DPP6: variants seen among roughly 807,000 people sequenced by gnomAD.
The protein encoded by DPP6 is A-type potassium channel modulatory protein DPP6.
In DPP6, 69 loss-of-function variants were observed where a neutral mutation model predicts 122.6. The ratio of observed to expected loss-of-function variants is 0.56; its 90% CI spans 0.46 to 0.69. The LOEUF is 0.69. Ranked by LOEUF, DPP6 falls within the 30% of genes least tolerant of loss-of-function variation. The probability of loss-of-function intolerance (pLI) is 0.00; values close to 1 mark genes in which losing one functional copy is unlikely to be tolerated. For missense variants in DPP6, 928 were observed against 1,116.9 expected (o/e 0.83, Z 2.41); for synonymous variants, 418 against 433.1 (o/e 0.97, Z 0.43).
chr7:154,424,180 C>T lies in DPP6; in HGVS notation c.244-22034C>T, dbSNP rs77669347. Among the ~76,000 whole-genome samples, 217 of 152,286 alleles carry T rather than the reference C, an allele frequency of 1.4e-3. 2 individuals carry two copies. The highest frequency in any genetic ancestry group is 8.7e-3 in the East Asian group (45 of 5,176). On this transcript the variant is annotated intron_variant, in intron 1 of 25. Transcript: ENST00000377770. ...CGCACTGTTTATCTCAACTCACATA[C>T]GCAGATATTTGTTGCAGATTAGGGT...
At chr7:153,783,078 C>T in the DPP6 span, among the ~76,000 whole-genome samples, 11 of 152,232 alleles carry the variant, frequency 7.2e-5, no homozygotes, top group South Asian at 2.3e-3. Context: ...CAAGGAGAAG[C>T]AGGGAAACTG....
At chr7:154,188,287 G>T (rs1327287316) in intron 1 of DPP6, among the ~76,000 whole-genome samples, 1 of 152,012 alleles carries the variant, frequency 6.6e-6, no homozygotes, top group Non-Finnish European at 1.5e-5. Context: ...CTTTCAAGGG[G>T]ATGAAACAAG....
At chr7:154,762,047 G>A (rs866841855) in intron 8 of DPP6, among the ~76,000 whole-genome samples, 6 of 152,180 alleles carry the variant, frequency 3.9e-5, no homozygotes, top group Admixed American at 6.5e-5. Context: ...ACTATCATGA[G>A]GACAGCACGG....
chr7:154,194,897 CA>C (rs1798788343), intron 1 of DPP6, among the ~76,000 whole-genome samples: 1 of 152,186 alleles, frequency 6.6e-6, no homozygotes, highest in Non-Finnish European at 1.5e-5. Context: ...ATTCCTTTGA[CA>C]AATATATCGT....
At chr7:154,382,608 G>A (rs112733394) in intron 1 of DPP6, among the ~76,000 whole-genome samples, 23 of 152,326 alleles carry the variant, frequency 1.5e-4, no homozygotes, top group Admixed American at 6.5e-4. Context: ...AGCGCTCAGC[G>A]CTCTTCATGT....
At chr7:154,634,864 A>G (rs1352599337) in intron 5 of DPP6, among the ~76,000 whole-genome samples, 1 of 152,196 alleles carries the variant, frequency 6.6e-6, no homozygotes, top group Non-Finnish European at 1.5e-5. Flanking sequence ...ATGTAACTCT[A>G]GGTGTTTGTT....
intron 1 of DPP6, among the ~76,000 whole-genome samples, chr7:154,267,290 A>C (rs1249581407): frequency 6.7e-6 from 1 of 149,026 alleles, no homozygotes. Flanking sequence ...TTATTATTGT[A>C]AATATACAAT....
chr7:154,074,537 T>C (rs1803419267), intron 1 of DPP6, among the ~76,000 whole-genome samples: 1 of 152,214 alleles, frequency 6.6e-6, no homozygotes, highest in Non-Finnish European at 1.5e-5. Context: ...AGCTGGGCTG[T>C]TTTAAACAAC....
chr7:154,745,665 C>T (rs1198377133), intron 8 of DPP6, among the ~76,000 whole-genome samples: 1 of 152,224 alleles, frequency 6.6e-6, no homozygotes, highest in Non-Finnish European at 1.5e-5. Context: ...CCTCAGGCTG[C>T]TTCTACTCAT....
chr7:153,807,216 C>G, the DPP6 span, among the ~76,000 whole-genome samples: 14 of 151,372 alleles, frequency 9.2e-5, no homozygotes, highest in Non-Finnish European at 1.6e-4. Context: ...AGTTCAAGAC[C>G]AGCCTGGCCA....
chr7:154,211,111 T>A (rs56661500), intron 1 of DPP6, among the ~76,000 whole-genome samples: 7,075 of 152,186 alleles, frequency 0.046, 273 homozygotes, highest in African/African-American at 0.11. Context: ...TGTTAGTGCT[T>A]CCTCTTACTT....
chr7:154,196,210 C>T (rs1421352690), intron 1 of DPP6, among the ~76,000 whole-genome samples: 1 of 152,180 alleles, frequency 6.6e-6, no homozygotes, highest in African/African-American at 2.4e-5. Context: ...TACAAATGGG[C>T]CGGGCACGGT....
chr7:154,660,129 C>A (rs1042431306), intron 6 of DPP6, among the ~76,000 whole-genome samples: 1 of 152,230 alleles, frequency 6.6e-6, no homozygotes, highest in African/African-American at 2.4e-5. Context: ...TCCTTGAGCA[C>A]AGGTGAGCCA....
intron 1 of DPP6, among the ~76,000 whole-genome samples, chr7:154,060,267 C>T (rs371455330): frequency 3.1e-5 from 4 of 129,964 alleles, no homozygotes; most frequent in East Asian, 2.2e-4. Context: ...GCACCCCCCG[C>T]GAGGCAGGGA....
the DPP6 span, among the ~76,000 whole-genome samples, chr7:153,761,266 T>G: frequency 2.0e-5 from 3 of 152,220 alleles, no homozygotes; most frequent in Non-Finnish European, 4.4e-5. Flanking sequence ...TGGGAAAATT[T>G]GTTAGTACAT....
chr7:153,848,081 C>T, the DPP6 span, among the ~76,000 whole-genome samples: 293 of 152,236 alleles, frequency 1.9e-3, no homozygotes, highest in Non-Finnish European at 3.5e-3. Flanking sequence ...TTTGCCTGGT[C>T]GGGCGGATAG....
chr7:154,648,427 G>T (rs182541689), intron 6 of DPP6, among the ~76,000 whole-genome samples: 3 of 152,180 alleles, frequency 2.0e-5, no homozygotes, highest in Admixed American at 2.0e-4. Flanking sequence ...CAGAGGGTTG[G>T]ACACAAATAC....
chr7:154,636,302 G>C lies in DPP6; in HGVS notation c.628-1519G>C, dbSNP rs77327463. Among the ~76,000 whole-genome samples, 270 of 152,312 alleles carry C rather than the reference G, an allele frequency of 1.8e-3. 3 individuals carry two copies. Among genetic ancestry groups the C allele is most frequent in the Middle Eastern group, 3.4e-3 (1 of 294 alleles). The stretch of plus-strand genomic sequence containing the variant: ...TTCCAGCTCACACAGGCATGGCTTA[G>C]TCACAGTGCAGCATGGGGTCCTTTA... On this transcript the variant is annotated intron_variant, in intron 5 of 25. Coordinates refer to ENST00000377770, the MANE Select transcript of DPP6 (RefSeq NM_130797.4).
intron 16 of DPP6, among the ~76,000 whole-genome samples, chr7:154,839,085 A>G (rs1208611714): frequency 6.6e-6 from 1 of 152,224 alleles, no homozygotes; most frequent in Non-Finnish European, 1.5e-5. Flanking sequence ...AAATAGTAAT[A>G]AGAACAAGAA....
Sources: allele counts gnomAD v4.1 joint callset (sites outside exome capture counted in the v4.1 genomes callset), GRCh38; gene constraint gnomAD v4.1.1; transcripts MANE v1.5; gene names NCBI Gene and HGNC (gene_info 2026-07-23, HGNC 2026-07-21).